The following MYO3B variants were observed in gnomAD, a reference collection of about 807,000 sequenced individuals.
The protein encoded by MYO3B is myosin-IIIb.
Under a neutral mutation model 174.6 loss-of-function variants are expected in MYO3B, and 156 were observed. The ratio of observed to expected loss-of-function variants is 0.89; its 90% CI spans 0.78 to 1.02. The LOEUF is 1.02. Ranked by LOEUF, MYO3B falls within the 50% of genes least tolerant of loss-of-function variation. The pLI is 0.00. For missense variants in MYO3B, 1,632 were observed against 1,639.4 expected (o/e 1.00, Z 0.08); for synonymous variants, 563 against 569.1 (o/e 0.99, Z 0.15).
chr2:170,449,073 G>A lies in MYO3B; in HGVS notation c.2730+5027G>A, dbSNP rs938683095. ...CTGCAAACACCTTTATGAGTTGAGT[G>A]AATTTTCCTCCTCTGAAGGTCCTAA... On this transcript the variant is annotated intron_variant, in intron 23 of 34. Transcript: ENST00000408978. Among the ~76,000 whole-genome samples the A allele has an allele frequency of 2.0e-5, 3 of 152,176 alleles. No individual in the cohort carries two copies. In the East Asian group the frequency reaches 5.8e-4, roughly 29 times the overall value.
intron 32 of MYO3B, among the ~76,000 whole-genome samples, chr2:170,634,243 C>T (rs1200531019): frequency 2.0e-5 from 3 of 152,170 alleles, no homozygotes; most frequent in Non-Finnish European, 2.9e-5. Flanking sequence ...GTAACCAAAA[C>T]AGCATGGTAC....
intron 30 of MYO3B, chr2:170,519,757 G>T: frequency 4.7e-6 from 2 of 424,834 alleles, no homozygotes; most frequent in Admixed American, 3.7e-5. Flanking sequence ...TGGATCACCT[G>T]AGGTCAGGAG....
At chr2:170,466,373 T>C in intron 24 of MYO3B, 133 bp from the exon 25 acceptor site, 1 of 761,760 alleles carries the variant, frequency 1.3e-6, no homozygotes, top group Non-Finnish European at 2.2e-6. Context: ...TTATCTCCTA[T>C]TGCTGATTTC....
At chr2:170,352,947 C>A (rs6732646) in intron 8 of MYO3B, among the ~76,000 whole-genome samples, 2,651 of 152,324 alleles carry the variant, frequency 0.017, 66 homozygotes, top group African/African-American at 0.061. Context: ...AACTCTCCTT[C>A]ATTTTTGGTG....
intron 28 of MYO3B, among the ~76,000 whole-genome samples, chr2:170,503,057 C>A (rs1035754956): frequency 6.6e-6 from 1 of 152,224 alleles, no homozygotes; most frequent in Admixed American, 6.5e-5. Context: ...CAAAGTGCAT[C>A]ATTTGTTCCC....
chr2:170,272,377 C>T (rs116322558), intron 7 of MYO3B, among the ~76,000 whole-genome samples: 343 of 152,266 alleles, frequency 2.3e-3, no homozygotes, highest in African/African-American at 7.8e-3. Context: ...ACCACTGGAG[C>T]AGTCCCCAGC....
At chr2:170,294,943 TA>T in intron 7 of MYO3B, among the ~76,000 whole-genome samples, 1 of 119,906 alleles carries the variant, frequency 8.3e-6, no homozygotes, top group Non-Finnish European at 1.8e-5. Flanking sequence ...AAAATTACTC[TA>T]AAAAATAAAG....
intron 7 of MYO3B, among the ~76,000 whole-genome samples, chr2:170,262,652 C>T (rs1014535394): frequency 6.6e-6 from 1 of 152,104 alleles, no homozygotes; most frequent in African/African-American, 2.4e-5. Context: ...GATCCTTGTC[C>T]ACGTTTGGGT....
At chr2:170,326,330 T>A (rs78584876) in intron 7 of MYO3B, among the ~76,000 whole-genome samples, 7,125 of 152,154 alleles carry the variant, frequency 0.047, 529 homozygotes, top group African/African-American at 0.16. Flanking sequence ...ATAATTTTTT[T>A]AAAAAAATTA....
chr2:170,394,107 G>A (rs193244065), intron 16 of MYO3B, among the ~76,000 whole-genome samples: 3 of 152,226 alleles, frequency 2.0e-5, no homozygotes, highest in African/African-American at 7.2e-5. Context: ...TTAATATTTT[G>A]TTTTCTTTGA....
chr2:170,295,666 G>GT (rs937979757), intron 7 of MYO3B, among the ~76,000 whole-genome samples: 15 of 152,122 alleles, frequency 9.9e-5, no homozygotes, highest in African/African-American at 2.9e-4. Flanking sequence ...GTTCCATATA[G>GT]TTTTTTGTAT....
At chr2:170,556,106 G>A (rs954649775) in intron 32 of MYO3B, among the ~76,000 whole-genome samples, 3 of 151,652 alleles carry the variant, frequency 2.0e-5, no homozygotes, top group African/African-American at 7.3e-5. Flanking sequence ...TGAGGCAGGA[G>A]AATCACTTGA....
intron 7 of MYO3B, among the ~76,000 whole-genome samples, chr2:170,290,872 C>CA (rs145187454): frequency 0.036 from 4,843 of 133,476 alleles, 252 homozygotes; most frequent in African/African-American, 0.12. Context: ...ATGAGGCTTA[C>CA]AAAAAAAAAA....
At chr2:170,395,188 T>C (rs564184486) in intron 16 of MYO3B, among the ~76,000 whole-genome samples, 1 of 152,278 alleles carries the variant, frequency 6.6e-6, no homozygotes, top group Admixed American at 6.5e-5. Context: ...CTTCCACTAA[T>C]AATGATGATG....
intron 26 of MYO3B, 29 bp downstream of exon 26, chr2:170,498,732 C>G (rs564505319): frequency 2.6e-5 from 37 of 1,409,530 alleles, no homozygotes; most frequent in Non-Finnish European, 3.2e-5. Context: ...TTCAAATTGT[C>G]CCGTATGATT....
At chr2:170,457,240 T>C (rs1683960177) in intron 23 of MYO3B, among the ~76,000 whole-genome samples, 1 of 152,232 alleles carries the variant, frequency 6.6e-6, no homozygotes, top group Admixed American at 6.5e-5. Context: ...TAGGCTATAC[T>C]GAATTTATTT....
chr2:170,424,510 G>T (rs554374036), intron 22 of MYO3B, among the ~76,000 whole-genome samples: 1 of 152,020 alleles, frequency 6.6e-6, no homozygotes, highest in Non-Finnish European at 1.5e-5. Context: ...CTGGCTACTC[G>T]GGAGGCTGAG....
At chr2:170,562,591 G>A (rs1691785656) in intron 32 of MYO3B, among the ~76,000 whole-genome samples, 1 of 152,156 alleles carries the variant, frequency 6.6e-6, no homozygotes, top group Admixed American at 6.5e-5. Flanking sequence ...AGTAAGTTGA[G>A]TCAAATCATG....
chr2:170,346,837 C>A (rs1304934027), intron 8 of MYO3B, among the ~76,000 whole-genome samples: 1 of 152,220 alleles, frequency 6.6e-6, no homozygotes, highest in Non-Finnish European at 1.5e-5. Context: ...CAACTGATCA[C>A]CTCCCTGCAA....
Sources: gnomAD v4.1 joint callset for allele counts (sites outside exome capture counted in the v4.1 genomes callset) on GRCh38, gnomAD v4.1.1 for gene constraint, MANE v1.5 for transcripts, NCBI Gene and HGNC (gene_info 2026-07-23, HGNC 2026-07-21) for gene names.